Variants in CNTLN observed in about 807,000 individuals in gnomAD.
CNTLN encodes the protein centlein, centrosomal protein.
In CNTLN, 212 loss-of-function variants were observed where a neutral mutation model predicts 180.0. That is an observed-to-expected ratio of 1.18 (90% CI 1.05 to 1.32). The LOEUF (loss-of-function observed/expected upper bound fraction) is 1.32. CNTLN is among the 40% of genes most tolerant of loss of function. CNTLN has a pLI of 0.00. For synonymous variants in CNTLN, 722 were observed against 563.1 expected (o/e 1.28, Z -3.99); for missense variants, 2,095 against 1,610.9 (o/e 1.30, Z -5.14).
intron 9 of CNTLN, 73 bp downstream of exon 9, chr9:17,330,881 A>C: frequency 7.5e-7 from 1 of 1,339,932 alleles, no homozygotes; most frequent in Non-Finnish European, 1.0e-6. Flanking sequence ...TTAAAAAACA[A>C]ATGGCAGCAT....
At chr9:17,403,885 C>T (rs901494583) in intron 15 of CNTLN, among the ~76,000 whole-genome samples, 1 of 151,758 alleles carries the variant, frequency 6.6e-6, no homozygotes, top group Admixed American at 6.6e-5. Context: ...AAGCGATTCT[C>T]GTGCTTCAGC....
At chr9:17,461,329 A>C (rs1359790038) in intron 19 of CNTLN, among the ~76,000 whole-genome samples, 1 of 151,686 alleles carries the variant, frequency 6.6e-6, no homozygotes, top group Non-Finnish European at 1.5e-5. Context: ...GACTAGTGTG[A>C]CTAGTGTGGA....
At chr9:17,339,674 A>G (rs773384565) in intron 10 of CNTLN, among the ~76,000 whole-genome samples, 1 of 152,236 alleles carries the variant, frequency 6.6e-6, no homozygotes, top group African/African-American at 2.4e-5. Context: ...AGAAATATGA[A>G]TAACAGTTAT....
intron 2 of CNTLN, among the ~76,000 whole-genome samples, chr9:17,196,027 A>T (rs1188599517): frequency 1.3e-5 from 2 of 151,922 alleles, no homozygotes; most frequent in South Asian, 2.1e-4. Context: ...TTTTATTATT[A>T]TTTTTTACTT....
At chr9:17,256,152 C>A (rs1430898151) in intron 5 of CNTLN, among the ~76,000 whole-genome samples, 2 of 151,882 alleles carry the variant, frequency 1.3e-5, no homozygotes, top group African/African-American at 4.8e-5. Context: ...TTTATCCAGT[C>A]TGCTATTGAT....
At chr9:17,485,179 G>T (rs1398000983) in intron 24 of CNTLN, among the ~76,000 whole-genome samples, 2 of 152,052 alleles carry the variant, frequency 1.3e-5, no homozygotes, top group African/African-American at 4.8e-5. Context: ...TTTAATTCAT[G>T]AATATTAGAT....
chr9:17,301,270 T>A, intron 7 of CNTLN: 1 of 985,440 alleles, frequency 1.0e-6, no homozygotes. Context: ...TAACCTAAAT[T>A]GTGATCTGGG....
At chr9:17,458,358 T>G (rs1831258802) in intron 19 of CNTLN, among the ~76,000 whole-genome samples, 1 of 152,056 alleles carries the variant, frequency 6.6e-6, no homozygotes, top group South Asian at 2.1e-4. Context: ...AAGTTCATTT[T>G]CATGCTTCTT....
At chr9:17,396,116 T>C (rs1274207484) in intron 15 of CNTLN, among the ~76,000 whole-genome samples, 2 of 152,182 alleles carry the variant, frequency 1.3e-5, no homozygotes, top group East Asian at 1.9e-4. Flanking sequence ...AGTTACCCTA[T>C]GTGGTCTAAA....
intron 12 of CNTLN, among the ~76,000 whole-genome samples, chr9:17,352,404 A>C (rs1822442054): frequency 3.1e-5 from 2 of 64,718 alleles, no homozygotes; most frequent in African/African-American, 9.8e-5. Flanking sequence ...ATATATATAT[A>C]TATATATATA....
At chr9:17,464,763 GCTC>G in intron 21 of CNTLN, 140 bp downstream of exon 21, 2 of 475,436 alleles carry the variant, frequency 4.2e-6, no homozygotes, top group Non-Finnish European at 7.2e-6. Context: ...AACACTCTTT[GCTC>G]TGAAAGTACA....
At chr9:17,166,145 A>T (rs538114127) in intron 2 of CNTLN, among the ~76,000 whole-genome samples, 15 of 152,310 alleles carry the variant, frequency 9.8e-5, no homozygotes, top group African/African-American at 3.6e-4. Context: ...AAAAACTCCT[A>T]TGATTAATAT....
intron 16 of CNTLN, among the ~76,000 whole-genome samples, chr9:17,413,860 C>T (rs1200776673): frequency 6.6e-6 from 1 of 152,140 alleles, no homozygotes; most frequent in Non-Finnish European, 1.5e-5. Flanking sequence ...CACCCTTAGA[C>T]ACATCCCACA....
chr9:17,262,942 C>A (rs1827115710), intron 5 of CNTLN, among the ~76,000 whole-genome samples: 1 of 151,002 alleles, frequency 6.6e-6, no homozygotes, highest in Non-Finnish European at 1.5e-5. Context: ...TTATCAAAAG[C>A]TTCTCTGTGT....
In CNTLN at chr9:17,276,870, A is replaced by C. The variant is rs566055791; in HGVS notation, c.983+3004A>C. Among the ~76,000 whole-genome samples, 658 of 152,186 alleles carry C rather than the reference A, an allele frequency of 4.3e-3. 3 individuals are homozygous for C. The highest frequency in any genetic ancestry group is 5.6e-3 in the Non-Finnish European group (379 of 67,980). On this transcript the variant is annotated intron_variant, in intron 6 of 25. Transcript: ENST00000380647. ...TGTATTGTTTTGTTGTTATATTTTT[A>C]AAATTACTGTTTTTGATCTATTGTT...
At chr9:17,265,806 A>T (rs61987577) in intron 5 of CNTLN, among the ~76,000 whole-genome samples, 2,715 of 151,582 alleles carry the variant, frequency 0.018, 87 homozygotes, top group African/African-American at 0.063. Flanking sequence ...TTTCTTCTAC[A>T]TTTTCTGGTT....
chr9:17,168,203 C>T (rs1191024622), intron 2 of CNTLN: 6 of 152,016 alleles, frequency 3.9e-5, no homozygotes, highest in African/African-American at 1.5e-4. Context: ...TAGCAGATAG[C>T]AAATATTATA....
intron 14 of CNTLN, among the ~76,000 whole-genome samples, chr9:17,390,651 C>G (rs766474244): frequency 6.6e-6 from 1 of 152,078 alleles, no homozygotes; most frequent in Non-Finnish European, 1.5e-5. Flanking sequence ...TAACAGTTCC[C>G]CAGACTTTCA....
intron 6 of CNTLN, among the ~76,000 whole-genome samples, chr9:17,292,164 G>C (rs1587527594): frequency 6.6e-6 from 1 of 152,160 alleles, no homozygotes; most frequent in South Asian, 2.1e-4. Context: ...CTGCTGAGAA[G>C]TTTGCTGTTA....
Sources: allele counts gnomAD v4.1 joint callset (sites outside exome capture counted in the v4.1 genomes callset), GRCh38; gene constraint gnomAD v4.1.1; transcripts MANE v1.5; gene names NCBI Gene and HGNC (gene_info 2026-07-23, HGNC 2026-07-21).